The following HCRTR2 variants were observed in gnomAD, a reference collection of about 807,000 sequenced individuals.
HCRTR2 encodes hypocretin receptor 2, also known as orexin receptor type 2.
A neutral mutation model predicts 49.0 loss-of-function variants in HCRTR2; 22 were observed. The ratio of observed to expected loss-of-function variants is 0.45; its 90% CI spans 0.32 to 0.64. The LOEUF (loss-of-function observed/expected upper bound fraction) is 0.64. Ranked by LOEUF, HCRTR2 falls within the 30% of genes least tolerant of loss-of-function variation. The pLI, the probability that HCRTR2 is intolerant of heterozygous loss-of-function variation, is 0.04. For synonymous variants in HCRTR2, 236 were observed against 205.3 expected, an observed-to-expected ratio of 1.15 and a Z score of -1.28; for missense variants, 491 against 559.4, an observed-to-expected ratio of 0.88 and a Z score of 1.23.
At chr6:55,127,851 T>C (rs973338705) in intron 1 of HCRTR2, among the ~76,000 whole-genome samples, 1 of 152,112 alleles carries the variant, frequency 6.6e-6, no homozygotes, top group African/African-American at 2.4e-5. Context: ...GTTTGTAAAA[T>C]TTTTCTCCAA....
At chr6:55,237,775 A>G (rs373453018) in intron 1 of HCRTR2, among the ~76,000 whole-genome samples, 2 of 152,218 alleles carry the variant, frequency 1.3e-5, no homozygotes, top group African/African-American at 4.8e-5. Flanking sequence ...ATCTGCCGTT[A>G]CCAGAAATAG....
intron 1 of HCRTR2, among the ~76,000 whole-genome samples, chr6:55,239,542 C>T (rs1365547705): frequency 6.6e-6 from 1 of 152,112 alleles, no homozygotes; most frequent in Non-Finnish European, 1.5e-5. Context: ...CCTTTCAAGA[C>T]AAATTATTAA....
At chr6:55,171,483 T>C (rs1256995176), upstream of HCRTR2, among the ~76,000 whole-genome samples, 1 of 152,152 alleles carries the variant, frequency 6.6e-6, no homozygotes, top group African/African-American at 2.4e-5. Context: ...TCAAAAGATA[T>C]CAAAAGATCT....
At chr6:55,205,758 A>AT (rs918926987) in intron 1 of HCRTR2, among the ~76,000 whole-genome samples, 2 of 151,932 alleles carry the variant, frequency 1.3e-5, no homozygotes, top group African/African-American at 2.4e-5. Flanking sequence ...TAGTGTGTTT[A>AT]TTTTTTAGAC....
intron 2 of HCRTR2, 54 bp from the exon 3 acceptor site, chr6:55,255,082 T>C: frequency 1.3e-6 from 2 of 1,594,650 alleles, no homozygotes; most frequent in Non-Finnish European, 1.7e-6. Context: ...ATATTAAGAG[T>C]AATTCTTTTA....
intron 1 of HCRTR2, among the ~76,000 whole-genome samples, chr6:55,124,910 A>G (rs897168777): frequency 6.8e-6 from 1 of 147,630 alleles, no homozygotes; most frequent in Non-Finnish European, 1.5e-5. Flanking sequence ...CTGTTTTACC[A>G]GAGATTAGGA....
At chr6:55,124,719 C>T (rs1349698012) in intron 1 of HCRTR2, among the ~76,000 whole-genome samples, 1 of 152,112 alleles carries the variant, frequency 6.6e-6, no homozygotes, top group Non-Finnish European at 1.5e-5. Context: ...GTGTTAAAGT[C>T]TCCCACTATT....
Position 55,161,122 on chromosome 6 carries a change from T to C in HCRTR2, c.-377-13089T>C, listed in dbSNP as rs188716142. ...AGCAAATGCCAAAGAACTAAAATCA[T>C]AACAAACAGTCTCTCAGACCACAGT... On this transcript the variant is annotated intron_variant, in intron 1 of 7. Transcript: ENST00000615358. Among the ~76,000 whole-genome samples, 872 of 152,222 alleles carry C rather than the reference T, an allele frequency of 5.7e-3. 7 individuals are homozygous for C. The highest frequency in any genetic ancestry group is 0.02 in the African/African-American group (828 of 41,528).
intron 1 of HCRTR2, among the ~76,000 whole-genome samples, chr6:55,141,513 CTG>C (rs1260563830): frequency 1.3e-5 from 2 of 152,088 alleles, no homozygotes; most frequent in African/African-American, 2.4e-5. Context: ...TTATGTCAAA[CTG>C]TGCTCTTACT....
intron 1 of HCRTR2, among the ~76,000 whole-genome samples, chr6:55,130,640 G>A (rs1034355490): frequency 6.6e-5 from 10 of 151,824 alleles, no homozygotes; most frequent in African/African-American, 2.4e-4. Context: ...ATTACTTTTA[G>A]GGTAAAGGCA....
chr6:55,263,667 A>G (rs1458016723), intron 3 of HCRTR2, 40 bp from the exon 4 acceptor site: 3 of 1,051,176 alleles, frequency 2.9e-6, no homozygotes, highest in Non-Finnish European at 4.5e-6. Flanking sequence ...AAGTCCATCA[A>G]TTGTAACGTA....
rs940717222 is a variant in HCRTR2, at chr6:55,133,390, AAC to A, written c.-378+26861_-378+26862del. On this transcript the variant is annotated intron_variant, in intron 1 of 7. Coordinates refer to the HCRTR2 transcript ENST00000615358. The stretch of plus-strand genomic sequence containing the variant: ...ATATACACATACACACACACAAAAA[AAC>A]ACACACACACACACATCAAGGCATT... Among the ~76,000 whole-genome samples, 20 of 150,804 alleles carry A rather than the reference AAC, an allele frequency of 1.3e-4. 3 individuals are homozygous for A. The highest frequency in any genetic ancestry group is 2.7e-4 in the African/African-American group (11 of 41,234).
intron 1 of HCRTR2, among the ~76,000 whole-genome samples, chr6:55,138,405 G>A (rs1490561315): frequency 6.6e-6 from 1 of 152,154 alleles, no homozygotes; most frequent in Non-Finnish European, 1.5e-5. Flanking sequence ...TCAAATTAAT[G>A]AATAACTTGG....
chr6:55,271,926 A>G (rs535201577), intron 4 of HCRTR2, among the ~76,000 whole-genome samples: 1 of 152,228 alleles, frequency 6.6e-6, no homozygotes, highest in African/African-American at 2.4e-5. Context: ...GGAATGCAAA[A>G]CGATGTAACT....
intron 1 of HCRTR2, among the ~76,000 whole-genome samples, chr6:55,157,172 C>A (rs767938289): frequency 2.6e-5 from 4 of 152,082 alleles, no homozygotes; most frequent in Non-Finnish European, 4.4e-5. Context: ...ATGGGTTCTA[C>A]AAAGTTGCAG....
intron 5 of HCRTR2, among the ~76,000 whole-genome samples, chr6:55,278,911 C>T (rs1017626067): frequency 6.6e-6 from 1 of 151,752 alleles, no homozygotes; most frequent in Non-Finnish European, 1.5e-5. Flanking sequence ...AGTCTAAATT[C>T]AATGAAAATT....
rs562885006 is a variant in HCRTR2 at position 55,110,711 on chromosome 6, G to A, written c.-378+4166G>A. ...CTAAATATAAATGCACCTAACACTGGAGCTTCCAAATTTTTGAAACAATTT... is the reference window on the plus strand; with the variant it reads ...CTAAATATAAATGCACCTAACACTGAAGCTTCCAAATTTTTGAAACAATTT... On this transcript the variant is annotated intron_variant, in intron 1 of 7. Transcript: ENST00000615358. 7.6e-4 allele frequency among the ~76,000 whole-genome samples: 115 copies of A among 152,052 alleles called. No homozygotes were observed. In the South Asian group the frequency reaches 0.024, roughly 31 times the overall value.
intron 2 of HCRTR2, among the ~76,000 whole-genome samples, chr6:55,250,571 G>A (rs886199057): frequency 2.0e-5 from 3 of 152,106 alleles, no homozygotes; most frequent in African/African-American, 7.2e-5. Context: ...AGTGATAAGG[G>A]CAGGTGCAGT....
intron 1 of HCRTR2, among the ~76,000 whole-genome samples, chr6:55,178,557 T>G (rs1765079549): frequency 6.6e-6 from 1 of 152,226 alleles, no homozygotes; most frequent in South Asian, 2.1e-4. Flanking sequence ...ATGTCAATTT[T>G]TATCCCTTAA....
Sources: allele counts gnomAD v4.1 joint callset (sites outside exome capture counted in the v4.1 genomes callset), GRCh38; gene constraint gnomAD v4.1.1; transcripts MANE v1.5; gene names NCBI Gene and HGNC (gene_info 2026-07-23, HGNC 2026-07-21).